Variants in CALM2 observed in about 807,000 individuals in gnomAD.
The protein encoded by CALM2 is calmodulin 2, also known as calmodulin-2.
CALM2 carries 2 observed loss-of-function variants against 19.8 expected under a neutral mutation model. The ratio of observed to expected loss-of-function variants is 0.10; its 90% CI spans 0.04 to 0.32. CALM2 has a LOEUF of 0.32. CALM2 is among the 10% of genes least tolerant of loss of function. CALM2 has a pLI of 1.00. For missense variants in CALM2, 38 were observed against 178.7 expected, an observed-to-expected ratio of 0.21 and a Z score of 4.49; for synonymous variants, 51 against 52.1, an observed-to-expected ratio of 0.98 and a Z score of 0.09.
At chr2:47,165,603 C>G (rs953185771) in intron 2 of CALM2, among the ~76,000 whole-genome samples, 2 of 152,190 alleles carry the variant, frequency 1.3e-5, no homozygotes, top group Non-Finnish European at 2.9e-5. Flanking sequence ...GCCAAAGGCT[C>G]TTACTCCTGT....
chr2:47,176,546 A>G (rs755323150), upstream of CALM2: 25 of 1,559,592 alleles, frequency 1.6e-5, no homozygotes, highest in East Asian at 1.7e-4. Flanking sequence ...CCTCATAAAC[A>G]CCTCCCTCCG....
At chr2:47,170,694 TAAG>T (rs1558699565) in intron 2 of CALM2, 37 bp downstream of exon 2, 1 of 1,531,180 alleles carries the variant, frequency 6.5e-7, no homozygotes, top group Non-Finnish European at 9.1e-7. Flanking sequence ...CAATTTATAA[TAAG>T]AATCTAATGG....
At chr2:47,172,485 T>A in intron 1 of CALM2, 1 of 1,209,534 alleles carries the variant, frequency 8.3e-7, no homozygotes, top group South Asian at 1.3e-5. Context: ...ATAACCATTA[T>A]TTCATATAAA....
chr2:47,162,958 T>A, intron 2 of CALM2: 1 of 213,290 alleles, frequency 4.7e-6, no homozygotes, highest in Non-Finnish European at 9.4e-6. Flanking sequence ...ATCATACCAC[T>A]GTACTTTCAT....
intron 5 of CALM2, among the ~76,000 whole-genome samples, chr2:47,161,416 TCACA>T (rs1323507876): frequency 6.6e-6 from 1 of 152,206 alleles, no homozygotes; most frequent in East Asian, 1.9e-4. Flanking sequence ...TGTTCCACAA[TCACA>T]CAAACACTGA....
chr2:47,161,754 A>G lies in CALM2; in HGVS notation c.390T>C (p.Asp130=), dbSNP rs1475939099. ...AGTTTACTTGACCATCACCATCAAT[A>G]TCTGCTTCCCTGATCATTTCATCAA... is the stretch of plus-strand genomic sequence containing the variant. ...EEVDEMIREA[D]IDGDGQVNYE... is the part of the protein sequence containing the mutation. Residue 130 remains aspartate, a synonymous_variant, in exon 5 of 6, where the codon GAT becomes GAC. Coordinates refer to ENST00000272298, the MANE Select transcript of CALM2 (RefSeq NM_001743.6). The G allele has an allele frequency of 1.2e-6, 2 of 1,612,394 alleles. No individual in the cohort carries two copies. Among genetic ancestry groups the G allele is most frequent in the East Asian group, 4.5e-5 (2 of 44,782 alleles).
At chr2:47,176,573 C>T (rs1399829769), upstream of CALM2, 6 of 1,549,926 alleles carry the variant, frequency 3.9e-6, no homozygotes, top group African/African-American at 5.5e-5. Flanking sequence ...CCCTCCGCCG[C>T]ATCCAGATAA....
intron 4 of CALM2, 27 bp from the exon 5 acceptor site, chr2:47,161,885 G>C (rs780167668): frequency 2.8e-5 from 44 of 1,583,920 alleles, no homozygotes; most frequent in East Asian, 2.7e-4. Flanking sequence ...TATAGTTTCT[G>C]AGTCAAATTA....
chr2:47,160,820 T>C lies in CALM2; in HGVS notation c.422-16A>G. 1 of 995,384 alleles carries C rather than the reference T, an allele frequency of 1.0e-6. No individual in the cohort carries two copies. Among genetic ancestry groups the C allele is most frequent in the Non-Finnish European group, 1.3e-6 (1 of 777,934 alleles). 61.7% of individuals were successfully genotyped at this position (995,384 alleles called of 1,614,324 possible). ...TGTACAAACTCTGAAAAAGAAGAAGTACACAAAAAATGAGTCAATAGCAAA... is the reference window on the plus strand; with the variant it reads ...TGTACAAACTCTGAAAAAGAAGAAGCACACAAAAAATGAGTCAATAGCAAA... On this transcript the variant is annotated splice_polypyrimidine_tract_variant and intron_variant, in intron 5 of 5. Transcript: ENST00000272298.
intron 1 of CALM2, 155 bp from the exon 2 acceptor site, chr2:47,170,919 C>A (rs185104790): frequency 4.5e-6 from 3 of 662,776 alleles, no homozygotes; most frequent in African/African-American, 1.8e-5. Context: ...CATCTAGTTT[C>A]TCTTATCTTC....
chr2:47,167,814 C>CTTTTCTTTTTTTTTTTTTTTTTTTTTTTT, intron 2 of CALM2: 1 of 96,482 alleles, frequency 1.0e-5, no homozygotes, highest in Admixed American at 1.3e-4. Context: ...TTTTTCTTTT[C>CTTTTCTTTTTTTTTTTTTTTTTTTTTTTT]TTTGAGACAG....
chr2:47,164,054 G>A (rs187914901), intron 2 of CALM2: 4,683 of 151,736 alleles, frequency 0.031, 110 homozygotes, highest in Non-Finnish European at 0.048. Flanking sequence ...TGGCTAACAC[G>A]GTGAAACCCC....
intron 1 of CALM2, 115 bp downstream of exon 1, chr2:47,176,326 C>A (rs1046537054): frequency 6.8e-6 from 9 of 1,318,576 alleles, no homozygotes; most frequent in South Asian, 1.3e-5. Flanking sequence ...CGCCATCCCT[C>A]TGGCAGAAAC....
At chr2:47,162,240 T>G in intron 4 of CALM2, 46 bp downstream of exon 4, 2 of 980,112 alleles carry the variant, frequency 2.0e-6, no homozygotes, top group Non-Finnish European at 3.0e-6. Flanking sequence ...AGTCCTGGTA[T>G]CTTCATTTCA....
intron 2 of CALM2, among the ~76,000 whole-genome samples, chr2:47,164,343 C>A (rs1207894634): frequency 2.2e-5 from 2 of 91,370 alleles, no homozygotes; most frequent in Admixed American, 1.3e-4. Context: ...CCCGTCTCTA[C>A]TAAAACACAC....
intron 1 of CALM2, among the ~76,000 whole-genome samples, chr2:47,175,525 CT>C (rs1297052523): frequency 6.6e-6 from 1 of 152,216 alleles, no homozygotes; most frequent in Non-Finnish European, 1.5e-5. Context: ...GGACGCGCCC[CT>C]GACTTCAAGG....
intron 2 of CALM2, chr2:47,163,616 G>C (rs1666336945): frequency 6.6e-6 from 1 of 152,044 alleles, no homozygotes; most frequent in Non-Finnish European, 1.5e-5. Context: ...ATTTTTAGTA[G>C]AGATGGGGTT....
chr2:47,166,792 G>C (rs1040535313), intron 2 of CALM2, among the ~76,000 whole-genome samples: 1 of 152,072 alleles, frequency 6.6e-6, no homozygotes, highest in African/African-American at 2.4e-5. Context: ...TTAAATCCAA[G>C]AGTCAAAACC....
chr2:47,161,657 C>T (rs2103823375), intron 5 of CALM2, 66 bp downstream of exon 5: 2 of 1,475,104 alleles, frequency 1.4e-6, no homozygotes, highest in Admixed American at 2.0e-5. Flanking sequence ...CGATCAGTTC[C>T]CTAACAAAGA....
Sources: gnomAD v4.1 joint callset for allele counts (sites outside exome capture counted in the v4.1 genomes callset) on GRCh38, gnomAD v4.1.1 for gene constraint, MANE v1.5 for transcripts, NCBI Gene and HGNC (gene_info 2026-07-23, HGNC 2026-07-21) for gene names.